Variants in ZNF385D observed in about 807,000 individuals in gnomAD.
The protein encoded by ZNF385D is zinc finger protein 659.
ZNF385D carries 15 observed loss-of-function variants against 35.8 expected under a neutral mutation model. That is an observed-to-expected ratio of 0.42 (90% CI 0.28 to 0.64). The LOEUF is 0.64. Among genes scored for constraint, ZNF385D ranks in the 30% least tolerant of loss-of-function variants. ZNF385D has a pLI of 0.23. For synonymous variants in ZNF385D, 212 were observed against 186.8 expected (o/e 1.13, Z -1.10); for missense variants, 474 against 494.6 (o/e 0.96, Z 0.39).
chr3:21,953,055 G>A (rs1702135103), intron 3 of ZNF385D, among the ~76,000 whole-genome samples: 1 of 151,884 alleles, frequency 6.6e-6, no homozygotes. Context: ...CCAGCTTTAT[G>A]TGCTTCGTTG....
intron 3 of ZNF385D, among the ~76,000 whole-genome samples, chr3:21,798,080 C>T (rs554812871): frequency 6.6e-6 from 1 of 152,146 alleles, no homozygotes; most frequent in Non-Finnish European, 1.5e-5. Flanking sequence ...ACAAATGTAC[C>T]TCTCTGGTGG....
chr3:22,322,174 C>T (rs1694469517), intron 2 of ZNF385D, among the ~76,000 whole-genome samples: 1 of 152,160 alleles, frequency 6.6e-6, no homozygotes, highest in South Asian at 2.1e-4. Context: ...TCATACCATA[C>T]ATACAATTAC....
At chr3:22,164,624 G>C (rs1377540980) in intron 3 of ZNF385D, among the ~76,000 whole-genome samples, 2 of 127,388 alleles carry the variant, frequency 1.6e-5, no homozygotes, top group Non-Finnish European at 3.4e-5. Context: ...TTTTTTTTTT[G>C]AGTGAAACCA....
At chr3:21,692,673 T>A (rs1355935122) in intron 1 of ZNF385D, among the ~76,000 whole-genome samples, 1 of 152,218 alleles carries the variant, frequency 6.6e-6, no homozygotes, top group Non-Finnish European at 1.5e-5. Context: ...GCAGAACACC[T>A]ATCCCTCCCA....
chr3:22,321,548 G>C (rs1194240472), intron 2 of ZNF385D, among the ~76,000 whole-genome samples: 1 of 151,794 alleles, frequency 6.6e-6, no homozygotes, highest in Non-Finnish European at 1.5e-5. Flanking sequence ...TGTATTTTTA[G>C]TAGAGGCAGG....
chr3:21,903,919 G>C lies in ZNF385D; in HGVS notation c.326-238891C>G, dbSNP rs183398822. Among the ~76,000 whole-genome samples the C allele has an allele frequency of 2.9e-3, 444 of 152,122 alleles. 2 individuals carry two copies. The highest frequency in any genetic ancestry group is 4.7e-3 in the Non-Finnish European group (319 of 67,980). ...CACTCAATATGAGCCTCTGGAATTT[G>C]TTTTTTTCTTTATCAAACCAACCAT... On this transcript the variant is annotated intron_variant, in intron 3 of 5. Coordinates refer to the ZNF385D transcript ENST00000494108.
chr3:22,249,081 C>T lies in ZNF385D; in HGVS notation c.107-80046G>A, dbSNP rs138098265. ...TGGCTGTTTAATGCCAGGCATTCTACCCACTTCCAGCCATTCAAGTCTCCA... is the reference window on the plus strand; with the variant it reads ...TGGCTGTTTAATGCCAGGCATTCTATCCACTTCCAGCCATTCAAGTCTCCA... On this transcript the variant is annotated intron_variant, in intron 2 of 5. Coordinates refer to the ZNF385D transcript ENST00000494108. Among the ~76,000 whole-genome samples, 605 of 152,228 alleles carry T rather than the reference C, an allele frequency of 4.0e-3. 5 individuals are homozygous for T. The highest frequency in any genetic ancestry group is 0.014 in the African/African-American group (567 of 41,552).
chr3:21,473,338 C>T (rs980160540), intron 4 of ZNF385D, among the ~76,000 whole-genome samples: 1 of 152,168 alleles, frequency 6.6e-6, no homozygotes, highest in East Asian at 1.9e-4. Context: ...CCACATAGGT[C>T]ACATAGGTCC....
intron 3 of ZNF385D, among the ~76,000 whole-genome samples, chr3:21,813,021 C>T (rs756917128): frequency 6.6e-6 from 1 of 152,174 alleles, no homozygotes; most frequent in Non-Finnish European, 1.5e-5. Flanking sequence ...CAGGCAGCAA[C>T]ATTTGCTGTT....
At chr3:22,141,557 T>C (rs1247874147) in intron 3 of ZNF385D, among the ~76,000 whole-genome samples, 3 of 152,170 alleles carry the variant, frequency 2.0e-5, no homozygotes, top group Admixed American at 6.5e-5. Context: ...AAGACCATCA[T>C]GGACTTCAGC....
chr3:21,825,525 T>G (rs79754901), intron 3 of ZNF385D, among the ~76,000 whole-genome samples: 14,692 of 132,066 alleles, frequency 0.11, 932 homozygotes, highest in South Asian at 0.17. Flanking sequence ...GTTCTTTCAG[T>G]GGCTTACAAG....
chr3:21,462,799 T>C (rs946182547), intron 4 of ZNF385D, among the ~76,000 whole-genome samples: 2 of 152,088 alleles, frequency 1.3e-5, no homozygotes, highest in African/African-American at 4.8e-5. Context: ...CTGGCCAACA[T>C]GGTGAAACCC....
chr3:22,043,644 G>T (rs954278094), intron 3 of ZNF385D, among the ~76,000 whole-genome samples: 4 of 151,728 alleles, frequency 2.6e-5, no homozygotes, highest in African/African-American at 9.7e-5. Context: ...GAGAGGGTAG[G>T]TAACTTCCGA....
intron 4 of ZNF385D, among the ~76,000 whole-genome samples, chr3:21,466,594 C>G (rs1703532357): frequency 6.6e-6 from 1 of 152,178 alleles, no homozygotes; most frequent in African/African-American, 2.4e-5. Context: ...TTCCTGCCTA[C>G]TGGTTGCATT....
chr3:21,943,558 A>G (rs1701636472), intron 3 of ZNF385D, among the ~76,000 whole-genome samples: 3 of 150,566 alleles, frequency 2.0e-5, no homozygotes, highest in African/African-American at 7.4e-5. Flanking sequence ...TATAGATTAA[A>G]TTATAAAAGA....
At chr3:22,235,179 T>C (rs891708748) in intron 2 of ZNF385D, among the ~76,000 whole-genome samples, 1 of 152,016 alleles carries the variant, frequency 6.6e-6, no homozygotes, top group Non-Finnish European at 1.5e-5. Flanking sequence ...AATCTGGAAT[T>C]TTACCCTCAG....
chr3:21,674,668 T>C (rs2066670240), intron 1 of ZNF385D, among the ~76,000 whole-genome samples: 2 of 152,098 alleles, frequency 1.3e-5, no homozygotes, highest in Non-Finnish European at 2.9e-5. Context: ...CGAGTTACTC[T>C]ATTCAGTATT....
intron 3 of ZNF385D, among the ~76,000 whole-genome samples, chr3:21,800,602 G>C (rs2072352650): frequency 6.6e-6 from 1 of 152,022 alleles, no homozygotes. Context: ...GTGAGACCTT[G>C]CTATTTTTTA....
chr3:22,353,816 G>A (rs1283504599), intron 2 of ZNF385D, among the ~76,000 whole-genome samples: 2 of 152,054 alleles, frequency 1.3e-5, no homozygotes, highest in Non-Finnish European at 2.9e-5. Flanking sequence ...GCAAATGAGT[G>A]TATCTTTTCC....
Sources: gnomAD v4.1 joint callset for allele counts (sites outside exome capture counted in the v4.1 genomes callset) on GRCh38, gnomAD v4.1.1 for gene constraint, MANE v1.5 for transcripts, NCBI Gene and HGNC (gene_info 2026-07-23, HGNC 2026-07-21) for gene names.